MYO1E: variants seen among roughly 807,000 people sequenced by gnomAD.
The protein encoded by MYO1E is myosin IE.
MYO1E carries 68 observed loss-of-function variants against 151.1 expected under a neutral mutation model. The observed-to-expected ratio is 0.45, with a 90% CI of 0.37 to 0.55. The LOEUF (loss-of-function observed/expected upper bound fraction) is 0.55, where lower values mean the gene tolerates loss of function less well. Among genes scored for constraint, MYO1E ranks in the 20% least tolerant of loss-of-function variants. MYO1E has a pLI of 0.00. For synonymous variants in MYO1E, 601 were observed against 501.7 expected, an observed-to-expected ratio of 1.20 and a Z score of -2.64; for missense variants, 1,363 against 1,389.3, an observed-to-expected ratio of 0.98 and a Z score of 0.30.
At chr15:59,286,707 C>A (rs1332864730) in intron 1 of MYO1E, among the ~76,000 whole-genome samples, 1 of 152,146 alleles carries the variant, frequency 6.6e-6, no homozygotes, top group Middle Eastern at 3.2e-3. Flanking sequence ...CAACGCTGAA[C>A]CAAATGCAGA....
At chr15:59,142,994 T>C (rs2079420036) in intron 26 of MYO1E, among the ~76,000 whole-genome samples, 1 of 151,646 alleles carries the variant, frequency 6.6e-6, no homozygotes, top group Non-Finnish European at 1.5e-5. Context: ...GAACGGATTC[T>C]TTCTGGTGAT....
chr15:59,168,663 C>T (rs2079575134), intron 22 of MYO1E, among the ~76,000 whole-genome samples: 1 of 152,068 alleles, frequency 6.6e-6, no homozygotes, highest in Non-Finnish European at 1.5e-5. Context: ...AAATAACTAC[C>T]AGGCTGGAGT....
chr15:59,313,496 C>G (rs2080565729), intron 1 of MYO1E, among the ~76,000 whole-genome samples: 1 of 140,182 alleles, frequency 7.1e-6, no homozygotes, highest in African/African-American at 2.6e-5. Flanking sequence ...GCAACTACCC[C>G]ACCCCCGCCC....
intron 1 of MYO1E, among the ~76,000 whole-genome samples, chr15:59,289,801 T>C (rs1217504931): frequency 1.3e-5 from 2 of 152,186 alleles, no homozygotes; most frequent in African/African-American, 2.4e-5. Flanking sequence ...AAACTGACCA[T>C]GTCTGATGTG....
At chr15:59,338,594 T>C (rs1472594675) in intron 1 of MYO1E, among the ~76,000 whole-genome samples, 1 of 152,130 alleles carries the variant, frequency 6.6e-6, no homozygotes, top group East Asian at 1.9e-4. Flanking sequence ...CTCAGGAGTA[T>C]TGGGGCTGGT....
chr15:59,302,290 AC>A (rs143132054), intron 1 of MYO1E, among the ~76,000 whole-genome samples: 2,018 of 152,244 alleles, frequency 0.013, 28 homozygotes, highest in South Asian at 0.038. Flanking sequence ...GAAAAAAGGC[AC>A]CCCAAAATAG....
intron 22 of MYO1E, among the ~76,000 whole-genome samples, chr15:59,169,046 T>C (rs11071411): frequency 0.35 from 52,569 of 152,090 alleles, 10,181 homozygotes; most frequent in East Asian, 0.65. Flanking sequence ...ACCAAATATT[T>C]AGTCATGCTC....
chr15:59,265,372 G>C (rs184885028), intron 2 of MYO1E, among the ~76,000 whole-genome samples: 3 of 152,096 alleles, frequency 2.0e-5, no homozygotes, highest in African/African-American at 7.2e-5. Flanking sequence ...TTGCATATGA[G>C]CTCCTAAAGT....
intron 2 of MYO1E, among the ~76,000 whole-genome samples, chr15:59,263,596 T>C (rs1192980906): frequency 2.0e-5 from 3 of 152,216 alleles, no homozygotes; most frequent in African/African-American, 7.2e-5. Flanking sequence ...TATACAAAGG[T>C]AAGCATGCAG....
intron 26 of MYO1E, among the ~76,000 whole-genome samples, chr15:59,139,566 TC>T (rs2079396908): frequency 7.0e-6 from 1 of 142,770 alleles, no homozygotes; most frequent in Non-Finnish European, 1.5e-5. Flanking sequence ...TCTCACCTTC[TC>T]ATTATTTCTT....
At chr15:59,222,751 A>G (rs1317111325) in intron 9 of MYO1E, among the ~76,000 whole-genome samples, 1 of 152,246 alleles carries the variant, frequency 6.6e-6, no homozygotes, top group Non-Finnish European at 1.5e-5. Context: ...TCCCCATTAA[A>G]GAGATCACTT....
chr15:59,248,714 G>A (rs2080146002), intron 4 of MYO1E, among the ~76,000 whole-genome samples: 1 of 152,064 alleles, frequency 6.6e-6, no homozygotes, highest in Non-Finnish European at 1.5e-5. Context: ...GTAAACAGCA[G>A]AGATGGGGGG....
At chr15:59,360,275 T>G (rs2080877910) in intron 1 of MYO1E, among the ~76,000 whole-genome samples, 1 of 152,176 alleles carries the variant, frequency 6.6e-6, no homozygotes, top group South Asian at 2.1e-4. Context: ...TAGCAAAATC[T>G]GTGGCTCACA....
At position 59,307,596 on chromosome 15, in the gene MYO1E, G is replaced by A. The variant is rs114537972; in HGVS notation, c.4-35147C>T. Among the ~76,000 whole-genome samples the A allele has an allele frequency of 7.5e-3, 1,108 of 147,942 alleles. 7 individuals carry two copies. Among genetic ancestry groups the A allele is most frequent in the African/African-American group, 0.028 (1,069 of 38,030 alleles). ...TATTATTTGTAAATGATTCCAATGAGTTTAGTTTTTGTTTTTGGTTTTGGT... is the reference window on the plus strand; with the variant it reads ...TATTATTTGTAAATGATTCCAATGAATTTAGTTTTTGTTTTTGGTTTTGGT... On this transcript the variant is annotated intron_variant, in intron 1 of 27. Transcript: ENST00000288235.
chr15:59,364,607 C>T (rs1254661499), intron 1 of MYO1E, among the ~76,000 whole-genome samples: 1 of 152,168 alleles, frequency 6.6e-6, no homozygotes, highest in Non-Finnish European at 1.5e-5. Context: ...ATTACAACCA[C>T]ATAAAAACAA....
chr15:59,189,621 C>A (rs1198016444), intron 17 of MYO1E, among the ~76,000 whole-genome samples: 5 of 152,150 alleles, frequency 3.3e-5, no homozygotes, highest in African/African-American at 9.7e-5. Flanking sequence ...GTCATCTAGG[C>A]TGGAGTGCAG....
Position 59,173,832 on chromosome 15 carries a change from C to T in MYO1E, c.2248G>A (p.Glu750Lys), listed in dbSNP as rs1692752328. Residue 750 changes from glutamate (E) to lysine (K), a missense_variant, in exon 21 of 28, where the codon GAG becomes AAG. By Grantham distance (56) the Glu-to-Lys change is moderately conservative (BLOSUM62 1). Coordinates refer to ENST00000288235, the MANE Select transcript of MYO1E (RefSeq NM_004998.4). ...ACGAACTGCTGGAGTTCTGGGTGCT[C>T]TTCCATCCCAATATAATCCCCTATA... is the stretch of plus-strand genomic sequence containing the variant. ...NFIGDYIGME[E>K]HPELQQFVGK... 2 of 1,614,110 alleles carry T rather than the reference C, an allele frequency of 1.2e-6. No homozygotes were observed. The highest frequency in any genetic ancestry group is 1.7e-6 in the Non-Finnish European group (2 of 1,179,980).
intron 1 of MYO1E, among the ~76,000 whole-genome samples, chr15:59,340,038 T>G (rs1190113771): frequency 6.6e-6 from 1 of 152,136 alleles, no homozygotes; most frequent in East Asian, 1.9e-4. Flanking sequence ...GTATTTTTAG[T>G]AGAGACAGAA....
chr15:59,310,664 T>C (rs142389256), intron 1 of MYO1E, among the ~76,000 whole-genome samples: 53 of 152,292 alleles, frequency 3.5e-4, no homozygotes, highest in African/African-American at 1.2e-3. Flanking sequence ...AACACATTTC[T>C]GTTGTTTTAA....
Sources: gnomAD v4.1 joint callset for allele counts (sites outside exome capture counted in the v4.1 genomes callset) on GRCh38, gnomAD v4.1.1 for gene constraint, MANE v1.5 for transcripts, NCBI Gene and HGNC (gene_info 2026-07-23, HGNC 2026-07-21) for gene names.